Variants in CRACR2A observed in about 807,000 individuals in gnomAD.
The protein encoded by CRACR2A is EF-hand calcium-binding domain-containing protein 4B.
CRACR2A carries 79 observed loss-of-function variants against 90.5 expected under a neutral mutation model. That is an observed-to-expected ratio of 0.87 (90% CI 0.73 to 1.05). CRACR2A has a LOEUF of 1.05. CRACR2A is among the 50% of genes least tolerant of loss of function. The pLI is 0.00. For synonymous variants in CRACR2A, 338 were observed against 356.7 expected (o/e 0.95, Z 0.59); for missense variants, 823 against 897.2 (o/e 0.92, Z 1.06).
intron 13 of CRACR2A, 145 bp from the exon 14 acceptor site, chr12:3,638,599 C>T: frequency 1.1e-6 from 1 of 904,986 alleles, no homozygotes; most frequent in Non-Finnish European, 1.6e-6. Context: ...AAAAACAAAC[C>T]AGCCAGCATT....
At chr12:3,657,546 C>CTGGTA (rs1944937908) in intron 8 of CRACR2A, among the ~76,000 whole-genome samples, 1 of 152,162 alleles carries the variant, frequency 6.6e-6, no homozygotes, top group Non-Finnish European at 1.5e-5. Context: ...GTTCTTCTGC[C>CTGGTA]CATTTCTAGG....
rs145192314 is a variant in CRACR2A at position 3,638,535 on chromosome 12, G to A, written c.1272-81C>T. On this transcript the variant is annotated intron_variant, in intron 13 of 19. Coordinates refer to ENST00000440314, the MANE Select transcript of CRACR2A (RefSeq NM_001144958.2). ...CGGGCTGCATAACAGCTTTTGTGAC[G>A]AACAGATACCCAAGGAGCATCACAC... The A allele has an allele frequency of 2.5e-4, 348 of 1,409,006 alleles. No homozygotes were observed. The African/African-American group carries it at 4.0e-3, about 16-fold the overall frequency. 87.3% of individuals were successfully genotyped at this position (1,409,006 alleles called of 1,614,324 possible).
intron 10 of CRACR2A, 39 bp downstream of exon 10, chr12:3,654,173 C>A (rs369610903): frequency 6.3e-6 from 10 of 1,597,692 alleles, no homozygotes; most frequent in South Asian, 1.1e-5. Flanking sequence ...GGGAGTGGTG[C>A]GGGAAGACAG....
At chr12:3,704,492 T>G (rs1334315281) in intron 3 of CRACR2A, among the ~76,000 whole-genome samples, 2 of 152,208 alleles carry the variant, frequency 1.3e-5, no homozygotes, top group African/African-American at 4.8e-5. Flanking sequence ...ACTTATTTAT[T>G]CATACACACA....
chr12:3,646,554 T>C (rs930426075), intron 11 of CRACR2A, among the ~76,000 whole-genome samples: 6 of 152,192 alleles, frequency 3.9e-5, no homozygotes, highest in Non-Finnish European at 8.8e-5. Context: ...GTGCCAGGGT[T>C]GTTTTCAGTT....
chr12:3,686,454 G>A (rs1235257790), intron 4 of CRACR2A, among the ~76,000 whole-genome samples: 1 of 152,178 alleles, frequency 6.6e-6, no homozygotes, highest in Non-Finnish European at 1.5e-5. Context: ...CAAGAATTCT[G>A]GGCAGTGTTG....
intron 13 of CRACR2A, chr12:3,640,928 T>C (rs1944555191): frequency 1.1e-6 from 1 of 905,870 alleles, no homozygotes; most frequent in East Asian, 6.3e-5. Flanking sequence ...TAATTAAATA[T>C]AGGTCATGGA....
chr12:3,714,524 G>A (rs1027687077), intron 2 of CRACR2A, among the ~76,000 whole-genome samples: 3 of 152,198 alleles, frequency 2.0e-5, no homozygotes, highest in African/African-American at 7.2e-5. Context: ...GGAGAGGAAA[G>A]CTGCCCTGTC....
intron 3 of CRACR2A, among the ~76,000 whole-genome samples, chr12:3,699,430 C>A (rs1329047390): frequency 6.6e-6 from 1 of 152,050 alleles, no homozygotes; most frequent in Non-Finnish European, 1.5e-5. Flanking sequence ...CTCTGAGAGT[C>A]CCTAATGGTG....
In CRACR2A at chr12:3,711,481, T is replaced by C. The variant is rs569853414; in HGVS notation, c.-37+1756A>G. Among the ~76,000 whole-genome samples, 1 of 152,360 alleles carries C rather than the reference T, an allele frequency of 6.6e-6. No individual in the cohort carries two copies. The highest frequency in any genetic ancestry group is 1.9e-4 in the East Asian group (1 of 5,192). The stretch of plus-strand genomic sequence containing the variant: ...ACAACTTAGCCAAGTTCTTTGCCAC[T>C]TTATAACAAGACTGGCCTTTCCTCT... On this transcript the variant is annotated intron_variant, in intron 3 of 19. Coordinates refer to ENST00000440314, the MANE Select transcript of CRACR2A (RefSeq NM_001144958.2). The surrounding 1 kb of genome is among the most constrained non-coding windows in gnomAD (Gnocchi z 4.3).
intron 11 of CRACR2A, 73 bp downstream of exon 11, chr12:3,648,469 C>A (rs1237126930): frequency 1.2e-6 from 2 of 1,611,836 alleles, no homozygotes; most frequent in Admixed American, 1.7e-5. Context: ...GCAAGGATGA[C>A]CCTCAGACTG....
At chr12:3,654,143 G>A (rs976961253) in intron 10 of CRACR2A, 69 bp downstream of exon 10, 31 of 1,556,006 alleles carry the variant, frequency 2.0e-5, no homozygotes, top group African/African-American at 8.3e-5. Context: ...TCTGAGCGGC[G>A]AGGGGACATG....
intron 1 of CRACR2A, among the ~76,000 whole-genome samples, chr12:3,739,409 A>G (rs1354328002): frequency 6.6e-6 from 1 of 152,266 alleles, no homozygotes; most frequent in Non-Finnish European, 1.5e-5. Context: ...TAGCTTCTGT[A>G]TCTGGAAGGT....
At chr12:3,671,171 G>C (rs242037) in intron 7 of CRACR2A, among the ~76,000 whole-genome samples, 1 of 152,054 alleles carries the variant, frequency 6.6e-6, no homozygotes, top group Admixed American at 6.5e-5. Flanking sequence ...GGCCAGCAGA[G>C]GAGGTCCTGC....
intron 5 of CRACR2A, among the ~76,000 whole-genome samples, chr12:3,679,612 C>A (rs993339888): frequency 2.0e-5 from 3 of 152,212 alleles, no homozygotes; most frequent in Non-Finnish European, 2.9e-5. Context: ...ATTAGAAGCT[C>A]CTGAAGGTCA....
At chr12:3,703,904 CATT>C (rs1945873983) in intron 3 of CRACR2A, among the ~76,000 whole-genome samples, 1 of 152,202 alleles carries the variant, frequency 6.6e-6, no homozygotes, top group Non-Finnish European at 1.5e-5. Flanking sequence ...GAATGGCTAA[CATT>C]ATGAAGATTG....
At chr12:3,742,759 C>A (rs1946548205) in intron 1 of CRACR2A, among the ~76,000 whole-genome samples, 2 of 152,226 alleles carry the variant, frequency 1.3e-5, no homozygotes, top group Admixed American at 6.5e-5. Context: ...TCACCACTTA[C>A]CTGCTGAATT....
chr12:3,671,254 A>C (rs1320409992), intron 7 of CRACR2A, among the ~76,000 whole-genome samples: 1 of 152,160 alleles, frequency 6.6e-6, no homozygotes, highest in Admixed American at 6.5e-5. Context: ...AGAGAACAGA[A>C]GAATGCCTTC....
intron 4 of CRACR2A, among the ~76,000 whole-genome samples, chr12:3,689,028 T>C (rs1945610904): frequency 6.6e-6 from 1 of 152,200 alleles, no homozygotes; most frequent in Admixed American, 6.5e-5. Flanking sequence ...ATAGGAATGC[T>C]AATGATTTTG....
Sources: gnomAD v4.1 joint callset for allele counts (sites outside exome capture counted in the v4.1 genomes callset) on GRCh38, gnomAD v4.1.1 for gene constraint, Gnocchi (gnomAD v3.1) non-coding constraint, MANE v1.5 for transcripts, NCBI Gene and HGNC (gene_info 2026-07-23, HGNC 2026-07-21) for gene names.